Variants in SLC9A9 observed in about 807,000 individuals in gnomAD.
SLC9A9 encodes the protein solute carrier family 9 member A9.
Under a neutral mutation model 77.8 loss-of-function variants are expected in SLC9A9, and 62 were observed. The ratio of observed to expected loss-of-function variants is 0.80; its 90% CI spans 0.65 to 0.98. The LOEUF (loss-of-function observed/expected upper bound fraction) is 0.98, where lower values mean the gene tolerates loss of function less well. Among genes scored for constraint, SLC9A9 ranks in the 50% least tolerant of loss-of-function variants. The pLI, the probability that SLC9A9 is intolerant of heterozygous loss-of-function variation, is 0.00. For missense variants in SLC9A9, 775 were observed against 774.9 expected, an observed-to-expected ratio of 1.00 and a Z score of 0.00; for synonymous variants, 320 against 283.5, an observed-to-expected ratio of 1.13 and a Z score of -1.29.
At chr3:143,701,070 G>A (rs140611727) in intron 4 of SLC9A9, among the ~76,000 whole-genome samples, 202 of 152,334 alleles carry the variant, frequency 1.3e-3, no homozygotes, top group African/African-American at 4.8e-3. Context: ...GTACCTCTTC[G>A]AGTCTGCAAG....
chr3:143,282,229 T>G (rs908337588), intron 14 of SLC9A9, among the ~76,000 whole-genome samples: 4 of 152,148 alleles, frequency 2.6e-5, no homozygotes, highest in Admixed American at 2.6e-4. Flanking sequence ...ATGGTGGGGT[T>G]CCACATCAGC....
intron 12 of SLC9A9, among the ~76,000 whole-genome samples, chr3:143,384,699 A>G (rs16853529): frequency 0.025 from 3,858 of 152,182 alleles, 182 homozygotes; most frequent in African/African-American, 0.088. Context: ...GACTGGGAAG[A>G]AGACTGTACC....
rs553429664 is a variant in SLC9A9, at chr3:143,677,823, C to CTTT, written c.649+15366_649+15368dup. 1.0e-3 allele frequency among the ~76,000 whole-genome samples: 110 copies of CTTT among 110,260 alleles called. 1 individual carries two copies. The highest frequency in any genetic ancestry group is 3.3e-3 in the African/African-American group (98 of 29,374). The allele number at this position is 110,260 out of a possible 152,430, so 72.3% of individuals were successfully genotyped here. ...TGTCTATGAATTGCCTCTTCAGAGTCTTTTTTTTTTTTTTTTTTTTTGAGA... is the reference window on the plus strand; with the variant it reads ...TGTCTATGAATTGCCTCTTCAGAGTCTTTTTTTTTTTTTTTTTTTTTTTTGAGA... On this transcript the variant is annotated intron_variant, in intron 5 of 15. Coordinates refer to ENST00000316549, the MANE Select transcript of SLC9A9 (RefSeq NM_173653.4).
At chr3:143,674,346 T>G (rs1413142805) in intron 5 of SLC9A9, among the ~76,000 whole-genome samples, 1 of 152,148 alleles carries the variant, frequency 6.6e-6, no homozygotes, top group African/African-American at 2.4e-5. Context: ...TTTAGGAAAT[T>G]TTTCTACCCT....
intron 4 of SLC9A9, among the ~76,000 whole-genome samples, chr3:143,789,507 G>C (rs1212926422): frequency 6.6e-6 from 1 of 152,170 alleles, no homozygotes; most frequent in Non-Finnish European, 1.5e-5. Flanking sequence ...CAGGGTTAGA[G>C]CTTAAGGAAG....
rs558661309 is a variant in SLC9A9, at chr3:143,725,126, T to C, written c.534-31819A>G. 2.0e-5 allele frequency among the ~76,000 whole-genome samples: 3 copies of C among 152,332 alleles called. No homozygotes were observed. In the South Asian group the frequency reaches 6.2e-4, roughly 32 times the overall value. ...GTGTTCATTTTTTTCCTCCTAATAT[T>C]ATTTAAAGGCTTTGAAGACAGGAGA... On this transcript the variant is annotated intron_variant, in intron 4 of 15. Transcript: ENST00000316549.
chr3:143,440,672 T>C (rs1463030061), intron 12 of SLC9A9, among the ~76,000 whole-genome samples: 1 of 152,220 alleles, frequency 6.6e-6, no homozygotes, highest in African/African-American at 2.4e-5. Flanking sequence ...TGCTTACCGA[T>C]GCAGGTCTTT....
chr3:143,480,437 T>C (rs1268805757), intron 11 of SLC9A9, among the ~76,000 whole-genome samples: 1 of 152,228 alleles, frequency 6.6e-6, no homozygotes, highest in African/African-American at 2.4e-5. Context: ...GGGTCTACTA[T>C]ACTTGTCTGC....
At chr3:143,794,193 C>T (rs1446311777) in intron 4 of SLC9A9, among the ~76,000 whole-genome samples, 1 of 152,130 alleles carries the variant, frequency 6.6e-6, no homozygotes, top group Non-Finnish European at 1.5e-5. Flanking sequence ...AGGCATGAAC[C>T]GTGTGTATTT....
chr3:143,266,666 C>T lies in SLC9A9; in HGVS notation c.*36G>A. 6.2e-7 allele frequency: 1 copy of T among 1,607,776 alleles called. No individual in the cohort carries two copies. Among genetic ancestry groups the T allele is most frequent in the South Asian group, 1.1e-5 (1 of 90,716 alleles). ...GGCTTGTATTCCTCAGTGAGTCTTG[C>T]ATTACTTGTGATTACATCTGTACTC... is the stretch of plus-strand genomic sequence containing the variant. On this transcript the variant is annotated 3_prime_UTR_variant, in exon 16 of 16. Coordinates refer to ENST00000316549, the MANE Select transcript of SLC9A9 (RefSeq NM_173653.4).
intron 12 of SLC9A9, among the ~76,000 whole-genome samples, chr3:143,443,193 A>G (rs112813787): frequency 8.5e-5 from 13 of 152,256 alleles, no homozygotes; most frequent in African/African-American, 3.1e-4. Flanking sequence ...AGAATATTAC[A>G]TTTGAGATAC....
intron 4 of SLC9A9, among the ~76,000 whole-genome samples, chr3:143,787,068 C>G (rs2008077413): frequency 2.0e-5 from 3 of 152,214 alleles, no homozygotes; most frequent in Admixed American, 2.0e-4. Context: ...ACTCTTGGCA[C>G]TTTTTCCTCT....
Position 143,278,775 on chromosome 3 carries a change from C to T in SLC9A9, c.1605-9795G>A, listed in dbSNP as rs79725398. Among the ~76,000 whole-genome samples, 1,109 of 152,310 alleles carry T rather than the reference C, an allele frequency of 7.3e-3. 16 individuals are homozygous for T. Among genetic ancestry groups the T allele is most frequent in the African/African-American group, 0.026 (1,067 of 41,558 alleles). ...GAGGTACTGGGGGTTAGGACTTCAA[C>T]ATGCCTTTGTTGGAAGAAACAGTTC... On this transcript the variant is annotated intron_variant, in intron 14 of 15. Transcript: ENST00000316549.
chr3:143,267,003 T>G, intron 15 of SLC9A9, 74 bp from the exon 16 acceptor site: 1 of 1,475,026 alleles, frequency 6.8e-7, no homozygotes, highest in Non-Finnish European at 9.4e-7. Flanking sequence ...CAATTTTTTT[T>G]TTTTTTTAAA....
intron 6 of SLC9A9, among the ~76,000 whole-genome samples, chr3:143,610,450 A>G (rs1444353361): frequency 6.6e-6 from 1 of 152,184 alleles, no homozygotes; most frequent in Non-Finnish European, 1.5e-5. Flanking sequence ...CTCAGCCCAC[A>G]TTTCTATTCT....
At chr3:143,364,341 A>G (rs1290032882) in intron 13 of SLC9A9, among the ~76,000 whole-genome samples, 1 of 152,110 alleles carries the variant, frequency 6.6e-6, no homozygotes, top group Non-Finnish European at 1.5e-5. Context: ...GTGTTAAGGG[A>G]ATTTCAATCA....
intron 6 of SLC9A9, among the ~76,000 whole-genome samples, chr3:143,630,558 A>G (rs993251878): frequency 1.3e-5 from 2 of 152,188 alleles, no homozygotes; most frequent in Non-Finnish European, 2.9e-5. Context: ...GATTTTTCAG[A>G]TAAGATCAAT....
Position 143,624,878 on chromosome 3 carries a change from C to T in SLC9A9, c.755+27377G>A, listed in dbSNP as rs569211478. 5.9e-3 allele frequency among the ~76,000 whole-genome samples: 897 copies of T among 152,178 alleles called. 10 individuals are homozygous for T. The highest frequency in any genetic ancestry group is 0.021 in the African/African-American group (858 of 41,492). ...ATCTAGAAAACCCCATCATCTCAGC[C>T]CAAAATCTCCTTAAGCTGATAAGCA... On this transcript the variant is annotated intron_variant, in intron 6 of 15. Transcript: ENST00000316549.
At chr3:143,722,977 GCTAC>G (rs1166818971) in intron 4 of SLC9A9, among the ~76,000 whole-genome samples, 2 of 152,060 alleles carry the variant, frequency 1.3e-5, no homozygotes, top group Non-Finnish European at 2.9e-5. Flanking sequence ...TTTCGCCAAT[GCTAC>G]CTATTTTTTT....
Sources: allele counts gnomAD v4.1 joint callset (sites outside exome capture counted in the v4.1 genomes callset), GRCh38; gene constraint gnomAD v4.1.1; transcripts MANE v1.5; gene names NCBI Gene and HGNC (gene_info 2026-07-23, HGNC 2026-07-21).